ERG: variants seen among roughly 807,000 people sequenced by gnomAD.
ERG encodes the protein ETS transcription factor ERG, also known as transcriptional regulator ERG.
In ERG, 9 loss-of-function variants were observed where a neutral mutation model predicts 55.3. The observed-to-expected ratio is 0.16, with a 90% CI of 0.10 to 0.28. The LOEUF is 0.28. Among genes scored for constraint, ERG ranks in the 10% least tolerant of loss-of-function variants. The pLI, the probability that ERG is intolerant of heterozygous loss-of-function variation, is 1.00. For missense variants in ERG, 434 were observed against 631.6 expected (o/e 0.69, Z 3.35); for synonymous variants, 223 against 237.3 (o/e 0.94, Z 0.55).
At chr21:38,563,364 G>T (rs2146839369) in intron 2 of ERG, among the ~76,000 whole-genome samples, 1 of 152,352 alleles carries the variant, frequency 6.6e-6, no homozygotes, top group East Asian at 1.9e-4. Context: ...GTGGGAAAAT[G>T]TTGATAGTGG....
intron 1 of ERG, among the ~76,000 whole-genome samples, chr21:38,622,128 T>C (rs1482670189): frequency 6.6e-6 from 1 of 152,216 alleles, no homozygotes; most frequent in Non-Finnish European, 1.5e-5. Flanking sequence ...CAGGCACCAC[T>C]GTGCAGTGCA....
intron 2 of ERG, among the ~76,000 whole-genome samples, chr21:38,527,119 C>A (rs1256217879): frequency 2.6e-5 from 4 of 152,192 alleles, no homozygotes; most frequent in African/African-American, 9.6e-5. Flanking sequence ...ACCTCTCTGA[C>A]CTCTCTAAAA....
intron 1 of ERG, among the ~76,000 whole-genome samples, chr21:38,468,909 C>T (rs764181379): frequency 6.2e-4 from 90 of 145,706 alleles, no homozygotes; most frequent in Non-Finnish European, 1.1e-3. Context: ...AGCGTGAACC[C>T]GGGAGGCGGA....
At chr21:38,401,178 A>G (rs895303877) in intron 5 of ERG, among the ~76,000 whole-genome samples, 2 of 152,114 alleles carry the variant, frequency 1.3e-5, no homozygotes, top group Admixed American at 1.3e-4. Context: ...CCCTTTTCAT[A>G]GTTCAGTCCA....
chr21:38,501,736 A>G (rs182565442), upstream of ERG, among the ~76,000 whole-genome samples: 380 of 152,332 alleles, frequency 2.5e-3, 1 homozygote, highest in African/African-American at 8.8e-3. Context: ...CCCATACAGT[A>G]GCTGTGGACA....
chr21:38,543,879 G>C (rs889556538), intron 2 of ERG, among the ~76,000 whole-genome samples: 6 of 151,886 alleles, frequency 4.0e-5, no homozygotes, highest in Admixed American at 1.3e-4. Context: ...TGGGACTTCA[G>C]GCATGCACCA....
chr21:38,537,506 A>G (rs1350357072), intron 2 of ERG, among the ~76,000 whole-genome samples: 1 of 152,126 alleles, frequency 6.6e-6, no homozygotes, highest in Non-Finnish European at 1.5e-5. Context: ...CAATTTAAAA[A>G]TGGGCAAAGG....
At chr21:38,440,738 G>C (rs929301973) in intron 2 of ERG, among the ~76,000 whole-genome samples, 1 of 145,518 alleles carries the variant, frequency 6.9e-6, no homozygotes, top group Admixed American at 7.2e-5. Context: ...GCAGTGAGCC[G>C]AGATTGTGCC....
intron 2 of ERG, among the ~76,000 whole-genome samples, chr21:38,545,734 C>A (rs2059784001): frequency 6.6e-6 from 1 of 152,202 alleles, no homozygotes; most frequent in Admixed American, 6.5e-5. Context: ...CAATTACTTG[C>A]AACTTGGCTT....
intron 2 of ERG, among the ~76,000 whole-genome samples, chr21:38,545,505 T>C (rs1291767126): frequency 6.6e-6 from 1 of 152,204 alleles, no homozygotes; most frequent in Non-Finnish European, 1.5e-5. Context: ...CCTCCCTTTC[T>C]CTGTGACGGA....
Position 38,445,535 on chromosome 21 carries a change from C to A in ERG, c.105G>T (p.Ala35=). The stretch of plus-strand genomic sequence containing the variant: ...TCTGTCCATAGTCGCTGGAGGAGGA[C>A]GCGGTCATCTCTGTCTTAGCCAGGT... ...TPHLAKTEMT[A]SSSSDYGQTS... Residue 35 remains alanine (A), a synonymous_variant, in exon 2 of 10, where the codon GCG becomes GCT. Transcript: ENST00000288319. The A allele has an allele frequency of 6.2e-7, 1 of 1,614,086 alleles. No homozygotes were observed. The highest frequency in any genetic ancestry group is 8.5e-7 in the Non-Finnish European group (1 of 1,180,026).
chr21:38,639,491 T>C (rs1219442238), intron 1 of ERG, among the ~76,000 whole-genome samples: 1 of 130,700 alleles, frequency 7.7e-6, no homozygotes, highest in Non-Finnish European at 1.7e-5. Flanking sequence ...ATAACAAGAG[T>C]TCCAAGAAGA....
intron 2 of ERG, among the ~76,000 whole-genome samples, chr21:38,432,350 TCC>T (rs1990253429): frequency 6.6e-6 from 1 of 152,104 alleles, no homozygotes; most frequent in South Asian, 2.1e-4. Flanking sequence ...CACCTCAGCC[TCC>T]CCAAGAACTG....
At chr21:38,466,300 G>GGTGT (rs145670035) in intron 1 of ERG, among the ~76,000 whole-genome samples, 1,537 of 140,660 alleles carry the variant, frequency 0.011, 10 homozygotes, top group African/African-American at 0.018. Flanking sequence ...GATGGTCTGG[G>GGTGT]GTGTGTGTGT....
At chr21:38,637,101 C>G (rs1049635330) in intron 1 of ERG, among the ~76,000 whole-genome samples, 2 of 152,156 alleles carry the variant, frequency 1.3e-5, no homozygotes, top group Admixed American at 1.3e-4. Flanking sequence ...AAGATCTGGA[C>G]AGCATCCTTC....
intron 1 of ERG, among the ~76,000 whole-genome samples, chr21:38,581,839 C>A (rs570278522): frequency 6.6e-6 from 1 of 152,012 alleles, no homozygotes; most frequent in Non-Finnish European, 1.5e-5. Flanking sequence ...GTCAGGAGAT[C>A]GAGACCATCC....
At chr21:38,435,479 T>C (rs189965929) in intron 2 of ERG, among the ~76,000 whole-genome samples, 2 of 152,144 alleles carry the variant, frequency 1.3e-5, no homozygotes, top group African/African-American at 4.8e-5. Flanking sequence ...ACTGAAACCG[T>C]AGATGTTTGT....
chr21:38,580,745 G>A (rs558218495), intron 1 of ERG, among the ~76,000 whole-genome samples: 50 of 152,240 alleles, frequency 3.3e-4, no homozygotes, highest in African/African-American at 1.0e-3. Flanking sequence ...TTTGAATTAC[G>A]TAAGCTCTAA....
chr21:38,654,543 T>C (rs2060507376), intron 1 of ERG, among the ~76,000 whole-genome samples: 1 of 152,240 alleles, frequency 6.6e-6, no homozygotes, highest in South Asian at 2.1e-4. Flanking sequence ...TATCCCTCTC[T>C]GTTCTAATGG....
Sources: allele counts gnomAD v4.1 joint callset (sites outside exome capture counted in the v4.1 genomes callset), GRCh38; gene constraint gnomAD v4.1.1; transcripts MANE v1.5; gene names NCBI Gene and HGNC (gene_info 2026-07-23, HGNC 2026-07-21).